The following LTBP1 variants were observed in gnomAD, a reference collection of about 807,000 sequenced individuals.
LTBP1 encodes latent transforming growth factor beta binding protein 1, also known as latent-transforming growth factor beta-binding protein 1.
LTBP1 carries 129 observed loss-of-function variants against 207.6 expected under a neutral mutation model. That is an observed-to-expected ratio of 0.62 (90% confidence interval 0.54 to 0.72). LTBP1 has a LOEUF of 0.72. LTBP1 is among the 30% of genes least tolerant of loss of function. The pLI, the probability that LTBP1 is intolerant of heterozygous loss-of-function variation, is 0.00. For synonymous variants in LTBP1, 963 were observed against 833.7 expected (o/e 1.16, Z -2.67); for missense variants, 2,281 against 2,217.2 (o/e 1.03, Z -0.58).
At chr2:33,199,808 A>G (rs916531693) in intron 7 of LTBP1, among the ~76,000 whole-genome samples, 1 of 152,062 alleles carries the variant, frequency 6.6e-6, no homozygotes, top group African/African-American at 2.4e-5. Context: ...TACAAAAATC[A>G]CAAGCATTCT....
intron 31 of LTBP1, among the ~76,000 whole-genome samples, chr2:33,376,571 C>G (rs1227320699): frequency 6.6e-6 from 1 of 152,236 alleles, no homozygotes; most frequent in East Asian, 1.9e-4. Context: ...CACCTTCTTG[C>G]TTCCGTGCTA....
intron 3 of LTBP1, among the ~76,000 whole-genome samples, chr2:33,031,269 C>T (rs2075679473): frequency 6.6e-6 from 1 of 152,178 alleles, no homozygotes; most frequent in Non-Finnish European, 1.5e-5. Context: ...TCGTAATATA[C>T]TACTGAACCA....
In LTBP1 at chr2:33,319,450, C is replaced by T. The variant is rs536438547; in HGVS notation, c.3730+4181C>T. 1.8e-4 allele frequency among the ~76,000 whole-genome samples: 27 copies of T among 152,120 alleles called. No homozygotes were observed. The South Asian group carries it at 2.9e-3, about 16-fold the overall frequency. On this transcript the variant is annotated intron_variant, in intron 24 of 33. Coordinates refer to ENST00000404816, the MANE Select transcript of LTBP1 (RefSeq NM_206943.4). Reference sequence around the variant, plus strand: ...TGCATTCATAAGCTGATTTGAGATTCGGTCTCTTCATCATCAGTAGAATGT... The same window carrying T: ...TGCATTCATAAGCTGATTTGAGATTTGGTCTCTTCATCATCAGTAGAATGT...
intron 24 of LTBP1, among the ~76,000 whole-genome samples, chr2:33,335,166 A>C (rs553073677): frequency 6.7e-6 from 1 of 149,640 alleles, no homozygotes; most frequent in South Asian, 2.1e-4. Flanking sequence ...GTACATCTCC[A>C]TGCTGGGGAA....
intron 9 of LTBP1, among the ~76,000 whole-genome samples, chr2:33,234,521 T>A (rs1389487608): frequency 6.6e-6 from 1 of 152,120 alleles, no homozygotes; most frequent in Non-Finnish European, 1.5e-5. Context: ...ACAAGGGATG[T>A]GAAGGACCTC....
intron 2 of LTBP1, among the ~76,000 whole-genome samples, chr2:32,980,389 T>TTGCATAAA (rs1682583080): frequency 6.6e-6 from 1 of 152,140 alleles, no homozygotes; most frequent in South Asian, 2.1e-4. Flanking sequence ...TTTAAACTGA[T>TTGCATAAA]GACAACCTAA....
intron 5 of LTBP1, among the ~76,000 whole-genome samples, chr2:33,160,897 C>G (rs149221141): frequency 6.6e-6 from 1 of 152,174 alleles, no homozygotes; most frequent in African/African-American, 2.4e-5. Context: ...AGTGCAGCAC[C>G]TACCCTATAG....
intron 33 of LTBP1, among the ~76,000 whole-genome samples, chr2:33,397,674 A>ATTTTTTTTT (rs71409616): frequency 1.4e-4 from 16 of 117,458 alleles, no homozygotes; most frequent in East Asian, 4.9e-4. Context: ...CACCCGGCTA[A>ATTTTTTTTT]TTTTTTTTTT....
chr2:32,991,047 T>G (rs1207602619), intron 2 of LTBP1, among the ~76,000 whole-genome samples: 1 of 152,224 alleles, frequency 6.6e-6, no homozygotes, highest in Non-Finnish European at 1.5e-5. Context: ...TAGCAAAGTT[T>G]GGAAAGTGTA....
intron 5 of LTBP1, among the ~76,000 whole-genome samples, chr2:33,148,730 C>T (rs2083256392): frequency 1.3e-5 from 2 of 152,182 alleles, no homozygotes; most frequent in Non-Finnish European, 1.5e-5. Flanking sequence ...GGTTCACACT[C>T]ATAATGCAGA....
At chr2:33,135,100 G>T in intron 5 of LTBP1, 140 bp downstream of exon 5, 1 of 898,868 alleles carries the variant, frequency 1.1e-6, no homozygotes. Context: ...TCTTTCATGG[G>T]ATCTTTTAAA....
intron 9 of LTBP1, among the ~76,000 whole-genome samples, chr2:33,224,972 C>T (rs2091349797): frequency 6.6e-6 from 1 of 152,106 alleles, no homozygotes; most frequent in African/African-American, 2.4e-5. Flanking sequence ...TCTTTAGATG[C>T]ATACTTAGGT....
At chr2:32,971,504 G>A (rs1393548072) in intron 2 of LTBP1, among the ~76,000 whole-genome samples, 1 of 152,000 alleles carries the variant, frequency 6.6e-6, no homozygotes, top group Non-Finnish European at 1.5e-5. Flanking sequence ...CAAACATGAA[G>A]GATATTGATT....
At chr2:33,278,053 C>A (rs937348872) in intron 18 of LTBP1, among the ~76,000 whole-genome samples, 1 of 151,284 alleles carries the variant, frequency 6.6e-6, no homozygotes, top group African/African-American at 2.4e-5. Flanking sequence ...AGGATGGTCT[C>A]GATCTCCTGA....
chr2:33,143,422 G>GA (rs963457435), intron 5 of LTBP1, among the ~76,000 whole-genome samples: 6 of 152,112 alleles, frequency 3.9e-5, no homozygotes, highest in Non-Finnish European at 8.8e-5. Flanking sequence ...GGTGTACACA[G>GA]AATTTACCTG....
intron 3 of LTBP1, among the ~76,000 whole-genome samples, chr2:33,096,923 G>C (rs1254771789): frequency 1.3e-5 from 2 of 152,174 alleles, no homozygotes; most frequent in Non-Finnish European, 2.9e-5. Flanking sequence ...GTGATAGCAG[G>C]TGGTGGTGGT....
chr2:33,224,575 T>C (rs968954111), intron 9 of LTBP1, among the ~76,000 whole-genome samples: 3 of 152,202 alleles, frequency 2.0e-5, no homozygotes, highest in African/African-American at 7.2e-5. Context: ...AGTTTTCTTT[T>C]AGAAAGTGTT....
chr2:33,155,993 C>T (rs933742539), intron 5 of LTBP1, among the ~76,000 whole-genome samples: 1 of 152,152 alleles, frequency 6.6e-6, no homozygotes, highest in African/African-American at 2.4e-5. Context: ...ACTGCTAGCA[C>T]ATAGATGTAT....
chr2:33,154,905 A>G (rs970844995), intron 5 of LTBP1, among the ~76,000 whole-genome samples: 1 of 152,118 alleles, frequency 6.6e-6, no homozygotes, highest in Admixed American at 6.5e-5. Context: ...TCTACTAAAA[A>G]TACAAAAATT....
Sources: allele counts gnomAD v4.1 joint callset (sites outside exome capture counted in the v4.1 genomes callset), GRCh38; gene constraint gnomAD v4.1.1; transcripts MANE v1.5; gene names NCBI Gene and HGNC (gene_info 2026-07-23, HGNC 2026-07-21).